Variants in SPAG1 observed in about 807,000 individuals in gnomAD.
SPAG1 encodes sperm associated antigen 1.
In SPAG1, 69 loss-of-function variants were observed where a neutral mutation model predicts 100.5. The ratio of observed to expected loss-of-function variants is 0.69; its 90% CI spans 0.57 to 0.84. The LOEUF is 0.84. SPAG1 is among the 40% of genes least tolerant of loss of function. The probability of loss-of-function intolerance (pLI) is 0.00; values close to 1 mark genes in which losing one functional copy is unlikely to be tolerated. For synonymous variants in SPAG1, 336 were observed against 411.6 expected, an observed-to-expected ratio of 0.82 and a Z score of 2.22; for missense variants, 955 against 1,133.1, an observed-to-expected ratio of 0.84 and a Z score of 2.26.
At chr8:100,185,496 G>C (rs1238180788) in intron 7 of SPAG1, among the ~76,000 whole-genome samples, 1 of 152,146 alleles carries the variant, frequency 6.6e-6, no homozygotes, top group Non-Finnish European at 1.5e-5. Context: ...ATAATAACTA[G>C]AATGTAAGAT....
intron 13 of SPAG1, among the ~76,000 whole-genome samples, chr8:100,224,012 A>G (rs779957970): frequency 1.8e-4 from 28 of 152,194 alleles, no homozygotes; most frequent in Non-Finnish European, 2.9e-4. Flanking sequence ...TTATTCTGCT[A>G]ATTGCCAGTA....
intron 3 of SPAG1, among the ~76,000 whole-genome samples, chr8:100,169,991 A>C (rs978492310): frequency 4.6e-5 from 7 of 151,838 alleles, no homozygotes; most frequent in Non-Finnish European, 1.0e-4. Context: ...CTGGAAAAAA[A>C]AAAGAGACTG....
chr8:100,186,696 C>T (rs1046188111), intron 7 of SPAG1, among the ~76,000 whole-genome samples: 4 of 152,206 alleles, frequency 2.6e-5, no homozygotes, highest in Admixed American at 6.5e-5. Flanking sequence ...GCGGCTTAAA[C>T]GAGAGAAATT....
rs1818204488 is a variant in SPAG1 at position 100,220,292 on chromosome 8, C to T, written c.1549C>T (p.His517Tyr). The T allele has an allele frequency of 6.2e-7, 1 of 1,608,618 alleles. No individual in the cohort carries two copies. The highest frequency in any genetic ancestry group is 8.5e-7 in the Non-Finnish European group (1 of 1,178,646). The change falls in exon 13 of 19, where the codon CAT becomes TAT. Residue 517 changes from histidine to tyrosine, a missense_variant. His to Tyr is a moderately conservative substitution (Grantham distance 83). Coordinates refer to ENST00000388798, the MANE Select transcript of SPAG1 (RefSeq NM_003114.5). ...IQDCNRALEL[H>Y]PFSMKPLLRR... ...TGTCTTCTTTAGGGCTCTGGAACTTCATCCATTCTCTATGAAACCTCTTCT... is the reference window on the plus strand; with the variant it reads ...TGTCTTCTTTAGGGCTCTGGAACTTTATCCATTCTCTATGAAACCTCTTCT...
At chr8:100,231,434 A>C in intron 15 of SPAG1, 146 bp downstream of exon 15, 1 of 556,892 alleles carries the variant, frequency 1.8e-6, no homozygotes, top group Non-Finnish European at 3.1e-6. Flanking sequence ...TGTCCTAACC[A>C]AGTGTGTCTG....
chr8:100,167,670 G>C (rs981715957), intron 3 of SPAG1, among the ~76,000 whole-genome samples: 2 of 152,144 alleles, frequency 1.3e-5, no homozygotes, highest in African/African-American at 4.8e-5. Context: ...AATATTTACA[G>C]ATTTCTTTTA....
At chr8:100,161,679 C>T (rs563530418) in intron 1 of SPAG1, among the ~76,000 whole-genome samples, 1 of 152,294 alleles carries the variant, frequency 6.6e-6, no homozygotes, top group Admixed American at 6.5e-5. Context: ...CTCCCCAAAC[C>T]TCTGTGATTT....
chr8:100,158,116 G>A (rs1205879793), upstream of SPAG1: 1 of 152,450 alleles, frequency 6.6e-6, no homozygotes, highest in African/African-American at 2.4e-5. Flanking sequence ...GCGCTGAGAA[G>A]CAGTGAGTGC....
rs183755241 is a variant in SPAG1, at chr8:100,241,314, G to T, written c.*292G>T. On this transcript the variant is annotated 3_prime_UTR_variant, in exon 19 of 19. Transcript: ENST00000388798. The surrounding 1 kb of genome is among the most constrained non-coding windows in gnomAD (Gnocchi z 5.1). ...TTTTAATTACTTGTTAAAATTTTGA[G>T]TTAAGTTGCATTTCTTTGGGCTATG... 614 of 181,450 alleles carry T rather than the reference G, an allele frequency of 3.4e-3. 2 individuals are homozygous for T. Among genetic ancestry groups the T allele is most frequent in the African/African-American group, 0.012 (502 of 42,666 alleles). The allele number at this position is 181,450 out of a possible 1,614,324, so 11.2% of individuals were successfully genotyped here.
At chr8:100,237,991 C>T (rs1490172759) in intron 16 of SPAG1, among the ~76,000 whole-genome samples, 2 of 152,138 alleles carry the variant, frequency 1.3e-5, no homozygotes, top group Non-Finnish European at 2.9e-5. Flanking sequence ...TCCCATTCTT[C>T]ATTTTTAAAA....
chr8:100,233,158 T>G, intron 15 of SPAG1: 1 of 387,290 alleles, frequency 2.6e-6, no homozygotes. Flanking sequence ...TTTGCACAGA[T>G]TTTATTGTGT....
intron 3 of SPAG1, among the ~76,000 whole-genome samples, chr8:100,172,660 GTGTGTGTA>G (rs1448474373): frequency 5.3e-4 from 80 of 151,682 alleles, no homozygotes; most frequent in African/African-American, 1.7e-3. Flanking sequence ...GTGTGTGTGT[GTGTGTGTA>G]TGTGTGTGTG....
At chr8:100,227,706 A>G (rs888773434) in intron 14 of SPAG1, among the ~76,000 whole-genome samples, 1 of 152,176 alleles carries the variant, frequency 6.6e-6, no homozygotes, top group Admixed American at 6.5e-5. Context: ...TGATAGTGAG[A>G]ATGGATACCA....
chr8:100,238,459 C>T (rs909302295), intron 16 of SPAG1, among the ~76,000 whole-genome samples: 2 of 152,172 alleles, frequency 1.3e-5, no homozygotes, highest in African/African-American at 4.8e-5. Flanking sequence ...GAAGAGGTTA[C>T]ACATCCTTGC....
rs1816713873 is a variant in SPAG1, at chr8:100,189,287, C to G, written c.832+2037C>G. ...GGCCAGGAGTTCGAGACCAGCCTGGCCAATGTGGCGAAACTCCATCTCTAC... is the reference window on the plus strand; with the variant it reads ...GGCCAGGAGTTCGAGACCAGCCTGGGCAATGTGGCGAAACTCCATCTCTAC... On this transcript the variant is annotated intron_variant, in intron 8 of 18. Transcript: ENST00000388798. Among the ~76,000 whole-genome samples, 2 of 151,732 alleles carry G rather than the reference C, an allele frequency of 1.3e-5. 1 individual carries two copies. The highest frequency in any genetic ancestry group is 4.2e-4 in the South Asian group (2 of 4,802).
chr8:100,202,352 A>AC (rs895039828), intron 10 of SPAG1, among the ~76,000 whole-genome samples: 7 of 151,844 alleles, frequency 4.6e-5, no homozygotes, highest in African/African-American at 1.4e-4. Flanking sequence ...TAAAAAAAAA[A>AC]ACAAAAAACA....
At chr8:100,166,998 G>A (rs1197344135) in intron 3 of SPAG1, among the ~76,000 whole-genome samples, 1 of 152,090 alleles carries the variant, frequency 6.6e-6, no homozygotes, top group African/African-American at 2.4e-5. Context: ...TATGTTCTCA[G>A]AAAAGTTGTA....
chr8:100,233,588 G>C, intron 16 of SPAG1, 51 bp downstream of exon 16: 2 of 1,525,966 alleles, frequency 1.3e-6, no homozygotes, highest in Non-Finnish European at 1.8e-6. Context: ...AACAAATCAA[G>C]TGGTTTTCAC....
rs1818214209 is a variant in SPAG1, at chr8:100,220,409, C to T, written c.1666C>T (p.Leu556=). 3.7e-6 allele frequency: 6 copies of T among 1,612,994 alleles called. No individual in the cohort carries two copies. Among genetic ancestry groups the T allele is most frequent in the Non-Finnish European group, 5.1e-6 (6 of 1,179,634 alleles). The change falls in exon 13 of 19, where the codon CTA becomes TTA. Residue 556 remains leucine (L), a synonymous_variant. Coordinates refer to ENST00000388798, the MANE Select transcript of SPAG1 (RefSeq NM_003114.5). The part of the protein sequence containing the change: ...TVLQIDCGLQ[L]ANDSVNRLSR... ...GTTGCAGATAGACTGTGGACTCCAGCTAGCAAATGACAGTGTTAACAGGTA... is the reference window on the plus strand; with the variant it reads ...GTTGCAGATAGACTGTGGACTCCAGTTAGCAAATGACAGTGTTAACAGGTA...
Sources: gnomAD v4.1 joint callset for allele counts (sites outside exome capture counted in the v4.1 genomes callset) on GRCh38, gnomAD v4.1.1 for gene constraint, Gnocchi (gnomAD v3.1) non-coding constraint, MANE v1.5 for transcripts, NCBI Gene and HGNC (gene_info 2026-07-23, HGNC 2026-07-21) for gene names.